CLHC1: variants seen among roughly 807,000 people sequenced by gnomAD.
CLHC1 encodes the protein clathrin heavy chain linker domain containing 1.
A neutral mutation model predicts 69.5 loss-of-function variants in CLHC1; 72 were observed. That is an observed-to-expected ratio of 1.04 (90% CI 0.86 to 1.26). The LOEUF (loss-of-function observed/expected upper bound fraction) is 1.26. CLHC1 is among the 50% of genes most tolerant of loss of function. The pLI is 0.00. For synonymous variants in CLHC1, 223 were observed against 224.3 expected (o/e 0.99, Z 0.05); for missense variants, 790 against 679.3 (o/e 1.16, Z -1.81).
chr2:55,222,387 G>A lies in CLHC1; in HGVS notation c.25C>T (p.His9Tyr). Residue 9 changes from histidine to tyrosine, a missense_variant, in exon 3 of 13, where the codon CAT (histidine) becomes TAT (tyrosine). Transcript: ENST00000401408. MSVHQIRK[H>Y]AVLPPIICRS... Reference sequence around the variant, plus strand: ...CAAATGATAGGTGGGAGAACTGCATGTTTTCTTATTTGATGAACTGACATA... The same window carrying A: ...CAAATGATAGGTGGGAGAACTGCATATTTTCTTATTTGATGAACTGACATA... 6.2e-7 allele frequency: 1 copy of A among 1,613,322 alleles called. No individual in the cohort carries two copies.
intron 3 of CLHC1, among the ~76,000 whole-genome samples, chr2:55,219,832 G>C (rs1003087174): frequency 1.3e-5 from 2 of 152,096 alleles, no homozygotes; most frequent in African/African-American, 4.8e-5. Flanking sequence ...TGAACTATTT[G>C]TACAATATGC....
intron 9 of CLHC1, among the ~76,000 whole-genome samples, chr2:55,201,014 A>G (rs1312083874): frequency 1.3e-5 from 2 of 152,092 alleles, no homozygotes; most frequent in Non-Finnish European, 2.9e-5. Context: ...ACCAAAACCT[A>G]TAGGATAACA....
chr2:55,214,551 T>C (rs1673317334), intron 4 of CLHC1: 1 of 152,242 alleles, frequency 6.6e-6, no homozygotes, highest in South Asian at 2.1e-4. Context: ...AGTAGATAAC[T>C]GCTGGCTGCT....
At chr2:55,203,197 G>A (rs1354994038) in intron 9 of CLHC1, among the ~76,000 whole-genome samples, 1 of 152,128 alleles carries the variant, frequency 6.6e-6, no homozygotes, top group East Asian at 1.9e-4. Flanking sequence ...CATATTCATG[G>A]ATTGGAAGAA....
At chr2:55,199,947 G>C (rs978934868) in intron 9 of CLHC1, among the ~76,000 whole-genome samples, 1 of 152,158 alleles carries the variant, frequency 6.6e-6, no homozygotes, top group African/African-American at 2.4e-5. Flanking sequence ...GAGTGGGCCA[G>C]ACACAGTGGC....
Position 55,208,668 on chromosome 2 carries a change from C to A in CLHC1, c.857G>T (p.Arg286Leu). Residue 286 changes from arginine (R) to leucine (L), a missense_variant, in exon 8 of 13, where the codon CGC (arginine) becomes CTC (leucine). Transcript: ENST00000401408. ...CATAATTTCAGCTTCTTTTGCCCTGCGTGGATCATCTTCCATTAGTTCTTC... is the reference window on the plus strand; with the variant it reads ...CATAATTTCAGCTTCTTTTGCCCTGAGTGGATCATCTTCCATTAGTTCTTC... ...IVEELMEDDP[R>L]RAKEAEIMLH... The A allele has an allele frequency of 6.2e-7, 1 of 1,612,352 alleles. No individual in the cohort carries two copies.
At position 55,222,232 on chromosome 2, in the gene CLHC1, T is replaced by A. The variant is rs1437344312; in HGVS notation, c.177+3A>T. The stretch of plus-strand genomic sequence containing the variant: ...CTTAATTGTCTTAAAAGCTTTATGA[T>A]ACCTTATCAAAAACATTTCGGTATA... On this transcript the variant is annotated splice_donor_region_variant and intron_variant, in intron 3 of 12. Coordinates refer to ENST00000401408, the MANE Select transcript of CLHC1 (RefSeq NM_152385.4). The A allele has an allele frequency of 6.2e-7, 1 of 1,606,974 alleles. No individual in the cohort carries two copies. The highest frequency in any genetic ancestry group is 2.2e-5 in the East Asian group (1 of 44,794).
In CLHC1 at chr2:55,217,999, C is replaced by G; in HGVS notation, c.178-1G>C. On this transcript the variant is annotated splice_acceptor_variant, in intron 3 of 12. Coordinates refer to ENST00000401408, the MANE Select transcript of CLHC1 (RefSeq NM_152385.4). LOFTEE classifies it high-confidence loss of function. The stretch of plus-strand genomic sequence containing the variant: ...TGTATGCAGTGATATGCTCTATTAC[C>G]TGAAATATTATTTTTCTGCCTATGG... 2 of 1,409,698 alleles carry G rather than the reference C, an allele frequency of 1.4e-6. No individual in the cohort carries two copies. The highest frequency in any genetic ancestry group is 1.9e-6 in the Non-Finnish European group (2 of 1,068,250). The allele number at this position is 1,409,698 out of a possible 1,614,324, so 87.3% of individuals were successfully genotyped here.
At chr2:55,211,112 C>T (rs1166884799) in intron 5 of CLHC1, among the ~76,000 whole-genome samples, 5 of 152,140 alleles carry the variant, frequency 3.3e-5, no homozygotes, top group African/African-American at 1.2e-4. Context: ...GTCCCTTACC[C>T]AGAATTTTCT....
At chr2:55,213,662 T>C (rs1260587886) in intron 4 of CLHC1, among the ~76,000 whole-genome samples, 1 of 152,232 alleles carries the variant, frequency 6.6e-6, no homozygotes, top group Non-Finnish European at 1.5e-5. Flanking sequence ...AAACTTCTCT[T>C]AAGCATTATT....
At chr2:55,226,623 A>G (rs1279241174) in intron 2 of CLHC1, among the ~76,000 whole-genome samples, 1 of 152,094 alleles carries the variant, frequency 6.6e-6, no homozygotes, top group African/African-American at 2.4e-5. Context: ...CCCCATTGTC[A>G]GATATTTTCA....
chr2:55,181,815 C>T (rs2103690658), intron 9 of CLHC1, 71 bp from the exon 10 acceptor site: 1 of 1,170,448 alleles, frequency 8.5e-7, no homozygotes, highest in South Asian at 1.4e-5. Context: ...TCTCATATTA[C>T]TATTTTTGTG....
chr2:55,198,326 C>T (rs1288648265), intron 9 of CLHC1, among the ~76,000 whole-genome samples: 2 of 152,132 alleles, frequency 1.3e-5, no homozygotes, highest in African/African-American at 4.8e-5. Context: ...TGGCTCACGC[C>T]TATAATCCCA....
In CLHC1 at chr2:55,180,605, C is replaced by A. The variant is rs753001049; in HGVS notation, c.1289G>T (p.Cys430Phe). The change falls in exon 11 of 13, where the codon TGT (cysteine) becomes TTT (phenylalanine). Residue 430 changes from cysteine (C) to phenylalanine (F), a missense_variant. Physicochemically the swap from Cys to Phe is radical, Grantham distance 205. Transcript: ENST00000401408. ...AAGAATAGCTTTCTTGTGCAGGCCA[C>A]ATTCACTGTAGACAATCTGAGCTAA... Reference protein sequence around the residue: ...LALAQIVYSECGLHKKAILCL... With the variant: ...LALAQIVYSEFGLHKKAILCL... 6.2e-7 allele frequency: 1 copy of A among 1,614,020 alleles called. No homozygotes were observed. Among genetic ancestry groups the A allele is most frequent in the South Asian group, 1.1e-5 (1 of 91,072 alleles).
At chr2:55,231,409 G>T (rs1029495621) in intron 1 of CLHC1, among the ~76,000 whole-genome samples, 1 of 152,194 alleles carries the variant, frequency 6.6e-6, no homozygotes, top group Non-Finnish European at 1.5e-5. Context: ...GGCAGAGGCT[G>T]AATGTCATTC....
chr2:55,204,135 T>C (rs974253288), intron 9 of CLHC1, among the ~76,000 whole-genome samples: 3 of 152,040 alleles, frequency 2.0e-5, no homozygotes, highest in African/African-American at 4.8e-5. Context: ...AAATACAAAA[T>C]TAGCTGGGCA....
rs1674885425 is a variant in CLHC1 at position 55,228,038 on chromosome 2, T to C, written c.-89A>G. ...TACTATCACTTTGATTCACCTGGCT[T>C]TTACTCTTTCTTCAGCTTCAGGAAA... is the stretch of plus-strand genomic sequence containing the variant. On this transcript the variant is annotated 5_prime_UTR_variant, in exon 2 of 13. Coordinates refer to ENST00000401408, the MANE Select transcript of CLHC1 (RefSeq NM_152385.4). 1 of 152,204 alleles carries C rather than the reference T, an allele frequency of 6.6e-6. No individual in the cohort carries two copies. The allele number at this position is 152,204 out of a possible 1,614,324, so 9.4% of individuals were successfully genotyped here. A position where few individuals can be genotyped will look rare whatever the true frequency, so the allele number is the denominator to read the frequency against.
rs1669231328 is a variant in CLHC1 at position 55,174,708 on chromosome 2, G to A, written c.*1082C>T. On this transcript the variant is annotated 3_prime_UTR_variant, in exon 13 of 13. Transcript: ENST00000401408. ...AAAATACATATTCAATTTAAATTTAGGATGGGAAAAGTTATGCTCTTTGCT... is the reference window on the plus strand; with the variant it reads ...AAAATACATATTCAATTTAAATTTAAGATGGGAAAAGTTATGCTCTTTGCT... 6.6e-6 allele frequency: 1 copy of A among 152,050 alleles called. No individual in the cohort carries two copies. Among genetic ancestry groups the A allele is most frequent in the South Asian group, 2.1e-4 (1 of 4,824 alleles). 9.4% of individuals were successfully genotyped at this position (152,050 alleles called of 1,614,324 possible). A position where few individuals can be genotyped will look rare whatever the true frequency, so the allele number is the denominator to read the frequency against.
chr2:55,190,766 T>C (rs1279566933), intron 9 of CLHC1, among the ~76,000 whole-genome samples: 1 of 152,192 alleles, frequency 6.6e-6, no homozygotes, highest in Non-Finnish European at 1.5e-5. Context: ...CTGACATCCC[T>C]GAATCGGTGA....
Sources: gnomAD v4.1 joint callset for allele counts (sites outside exome capture counted in the v4.1 genomes callset) on GRCh38, gnomAD v4.1.1 for gene constraint, MANE v1.5 for transcripts, NCBI Gene and HGNC (gene_info 2026-07-23, HGNC 2026-07-21) for gene names.